The following CFI variants were observed in gnomAD, a reference collection of about 807,000 sequenced individuals.
CFI encodes C3B/C4B inactivator.
A neutral mutation model predicts 78.8 loss-of-function variants in CFI; 66 were observed. The observed-to-expected ratio is 0.84, with a 90% CI of 0.69 to 1.03. The LOEUF (loss-of-function observed/expected upper bound fraction) is 1.03. CFI is among the 50% of genes least tolerant of loss of function. The probability of loss-of-function intolerance (pLI) is 0.00; values close to 1 mark genes in which losing one functional copy is unlikely to be tolerated. For missense variants in CFI, 706 were observed against 704.5 expected, an observed-to-expected ratio of 1.00 and a Z score of -0.02; for synonymous variants, 250 against 232.6, an observed-to-expected ratio of 1.07 and a Z score of -0.68.
chr4:109,740,663 AT>A, downstream of CFI: 1 of 560,338 alleles, frequency 1.8e-6, no homozygotes, highest in Non-Finnish European at 3.2e-6. Context: ...CATTGAGATA[AT>A]TTAATAAAAT....
At chr4:109,788,264 G>T (rs539887685) in intron 1 of CFI, among the ~76,000 whole-genome samples, 1 of 152,146 alleles carries the variant, frequency 6.6e-6, no homozygotes, top group Admixed American at 6.6e-5. Flanking sequence ...TGAATCAAAG[G>T]AATGAGTAAT....
chr4:109,748,949 T>C (rs1724801692), intron 10 of CFI, among the ~76,000 whole-genome samples: 1 of 152,170 alleles, frequency 6.6e-6, no homozygotes, highest in Admixed American at 6.6e-5. Context: ...CTCTCCCACT[T>C]TGCAAATAAG....
downstream of CFI, among the ~76,000 whole-genome samples, chr4:109,736,839 C>T (rs1460411419): frequency 6.6e-6 from 1 of 152,124 alleles, no homozygotes; most frequent in Non-Finnish European, 1.5e-5. Flanking sequence ...CTTCACTGGG[C>T]TTCCTTAGAC....
chr4:109,737,945 GCTGA>G (rs1723463310), downstream of CFI, among the ~76,000 whole-genome samples: 1 of 152,070 alleles, frequency 6.6e-6, no homozygotes, highest in African/African-American at 2.4e-5. Context: ...GCTTCAGAGG[GCTGA>G]CTTTCACCCT....
intron 1 of CFI, among the ~76,000 whole-genome samples, chr4:109,779,845 C>A (rs1729764262): frequency 6.6e-6 from 1 of 152,160 alleles, no homozygotes; most frequent in South Asian, 2.1e-4. Flanking sequence ...CAACAACCAT[C>A]TGATCTTTGA....
At chr4:109,751,574 T>G (rs1725145028) in intron 8 of CFI, among the ~76,000 whole-genome samples, 1 of 150,148 alleles carries the variant, frequency 6.7e-6, no homozygotes, top group South Asian at 2.1e-4. Flanking sequence ...CCTGAGCACC[T>G]GGGATTACAG....
chr4:109,740,925 C>A lies in CFI; in HGVS notation c.1720G>T (p.Gly574Ter), dbSNP rs1723706529. 1.9e-6 allele frequency: 3 copies of A among 1,614,068 alleles called. No homozygotes were observed. Among genetic ancestry groups the A allele is most frequent in the Non-Finnish European group, 2.5e-6 (3 of 1,179,932 alleles). Residue 574 changes from glycine to a stop codon, truncating the protein, a stop_gained, in exon 13 of 13, where the codon GGA (glycine) becomes TGA (stop). Transcript: ENST00000394634. LOFTEE classifies it high-confidence loss of function. Reference sequence around the variant, plus strand: ...TTGTACTGAGAAATAAAAGGCCTTCCTACATGGTAGCTAATCCAGTCAAAA... The same window carrying A: ...TTGTACTGAGAAATAAAAGGCCTTCATACATGGTAGCTAATCCAGTCAAAA... The part of the protein sequence containing the change: ...NYFDWISYHV[G>*]RPFISQYNV
At chr4:109,748,021 T>A (rs1406017013) in intron 10 of CFI, among the ~76,000 whole-genome samples, 2 of 152,182 alleles carry the variant, frequency 1.3e-5, no homozygotes, top group Non-Finnish European at 2.9e-5. Context: ...TCAGTACTTG[T>A]CTGCAGCTCA....
At chr4:109,759,829 G>A (rs1726798217) in intron 6 of CFI, among the ~76,000 whole-genome samples, 1 of 152,184 alleles carries the variant, frequency 6.6e-6, no homozygotes, top group Admixed American at 6.6e-5. Flanking sequence ...AGGAGGTTGA[G>A]GTTGCAATGA....
chr4:109,731,663 T>A, the CFI span, among the ~76,000 whole-genome samples: 1 of 152,174 alleles, frequency 6.6e-6, no homozygotes, highest in East Asian at 1.9e-4. Context: ...GGCTGGAGAC[T>A]GCCTGCACTT....
Position 109,773,812 on chromosome 4 carries a change from G to A in CFI, c.58-6988C>T, listed in dbSNP as rs192105813. Among the ~76,000 whole-genome samples, 18 of 152,292 alleles carry A rather than the reference G, an allele frequency of 1.2e-4. No individual in the cohort carries two copies. The East Asian group carries it at 1.4e-3, about 11-fold the overall frequency. On this transcript the variant is annotated intron_variant, in intron 1 of 12. Transcript: ENST00000394634. ...TAGTTGCACCAAAACCACCTGAGGC[G>A]CATCATCCTACAAATGCAGATTTTT... is the stretch of plus-strand genomic sequence containing the variant.
intron 11 of CFI, among the ~76,000 whole-genome samples, chr4:109,745,840 G>T (rs1007634085): frequency 1.3e-4 from 19 of 151,812 alleles, no homozygotes; most frequent in Non-Finnish European, 2.4e-4. Context: ...TTTTTTTCTT[G>T]GTGAATGGCT....
In CFI at chr4:109,800,386, C is replaced by T. The variant is rs75605785; in HGVS notation, c.57+1529G>A. Among the ~76,000 whole-genome samples the T allele has an allele frequency of 1.9e-3, 218 of 114,164 alleles. No individual in the cohort carries two copies. The Middle Eastern group carries it at 0.039, about 21-fold the overall frequency. 74.9% of individuals were successfully genotyped at this position (114,164 alleles called of 152,430 possible). On this transcript the variant is annotated intron_variant, in intron 1 of 12. Transcript: ENST00000394634. Reference sequence around the variant, plus strand: ...TTGCTGTGTCACCCAGGCTGGAATACAGTGGCATGATCAGAGCTCCCCGCA... The same window carrying T: ...TTGCTGTGTCACCCAGGCTGGAATATAGTGGCATGATCAGAGCTCCCCGCA...
chr4:109,795,586 A>T (rs1343272174), intron 1 of CFI, among the ~76,000 whole-genome samples: 1 of 152,224 alleles, frequency 6.6e-6, no homozygotes, highest in Non-Finnish European at 1.5e-5. Flanking sequence ...AGAGCTATAA[A>T]AGGACACAGA....
chr4:109,762,899 A>C (rs1458560480), intron 3 of CFI, among the ~76,000 whole-genome samples: 1 of 152,238 alleles, frequency 6.6e-6, no homozygotes, highest in Non-Finnish European at 1.5e-5. Flanking sequence ...AAAATATAAG[A>C]GCAAAATACT....
intron 1 of CFI, among the ~76,000 whole-genome samples, chr4:109,797,007 T>A: frequency 6.6e-6 from 1 of 152,220 alleles, no homozygotes; most frequent in East Asian, 1.9e-4. Flanking sequence ...TTACAAATAA[T>A]CTACAGATTT....
chr4:109,778,154 C>G lies in CFI; in HGVS notation c.58-11330G>C, dbSNP rs553011104. Among the ~76,000 whole-genome samples the G allele has an allele frequency of 2.0e-5, 3 of 151,834 alleles. No homozygotes were observed. In the South Asian group the frequency reaches 6.2e-4, roughly 32 times the overall value. ...GATCAGAGCAGAACTGAAGGAGATA[C>G]GGACACAAAAAACCCTTCAAAAAAT... On this transcript the variant is annotated intron_variant, in intron 1 of 12. Transcript: ENST00000394634.
At chr4:109,760,239 GA>G (rs1389457667) in intron 6 of CFI, 30 bp downstream of exon 6, 15 of 1,500,316 alleles carry the variant, frequency 1.0e-5, no homozygotes, top group South Asian at 2.3e-5. Flanking sequence ...ATTCAATAAT[GA>G]AAAAAAGTCA....
chr4:109,753,522 A>G (rs1314696030), intron 7 of CFI, among the ~76,000 whole-genome samples: 1 of 30,596 alleles, frequency 3.3e-5, no homozygotes, highest in African/African-American at 1.0e-4. Context: ...ATAAATAAAT[A>G]TTTATAATAA....
Sources: gnomAD v4.1 joint callset for allele counts (sites outside exome capture counted in the v4.1 genomes callset) on GRCh38, gnomAD v4.1.1 for gene constraint, MANE v1.5 for transcripts, NCBI Gene and HGNC (gene_info 2026-07-23, HGNC 2026-07-21) for gene names.